LMLN: variants seen among roughly 807,000 people sequenced by gnomAD.
LMLN encodes the protein leishmanolysin-like peptidase.
A neutral mutation model predicts 92.3 loss-of-function variants in LMLN; 70 were observed. The ratio of observed to expected loss-of-function variants is 0.76; its 90% CI spans 0.63 to 0.92. The LOEUF is 0.92. Among genes scored for constraint, LMLN ranks in the 40% least tolerant of loss-of-function variants. LMLN has a pLI of 0.00. For missense variants in LMLN, 691 were observed against 814.6 expected, an observed-to-expected ratio of 0.85 and a Z score of 1.85; for synonymous variants, 308 against 296.2, an observed-to-expected ratio of 1.04 and a Z score of -0.41.
chr3:198,035,710 C>CT, intron 14 of LMLN, 123 bp from the exon 16 acceptor site: 1 of 807,332 alleles, frequency 1.2e-6, no homozygotes. Flanking sequence ...GCAAATTGTG[C>CT]TTTATAGCCA....
exon 6 of LMLN, chr3:197,980,468 A>G: frequency 6.2e-7 from 1 of 1,614,032 alleles, no homozygotes; most frequent in Non-Finnish European, 8.5e-7. Context: ...ATCATCTCTT[A>G]TGCAGCCTAT....
At chr3:198,035,976 C>T in exon 15 of LMLN, 1 of 1,614,134 alleles carries the variant, frequency 6.2e-7, no homozygotes. Context: ...CATGTTGGGA[C>T]TTCTGTGAGC....
At position 197,999,349 on chromosome 3, in the gene LMLN, C is replaced by T. The variant is rs374685420; in HGVS notation, c.1232+7C>T. The T allele has an allele frequency of 6.3e-7, 1 of 1,576,256 alleles. No individual in the cohort carries two copies. Among genetic ancestry groups the T allele is most frequent in the African/African-American group, 1.3e-5 (1 of 74,266 alleles). ...CATTAATGGAGGACACTGGGTAAGA[C>T]AGCTGTGACAAGAGGATATGAATTG... On this transcript the variant is annotated splice_region_variant and intron_variant, in intron 11 of 15. Coordinates refer to ENST00000330198, the Ensembl canonical transcript of LMLN.
At chr3:198,032,634 C>T (rs1723108080) in intron 14 of LMLN, among the ~76,000 whole-genome samples, 1 of 152,110 alleles carries the variant, frequency 6.6e-6, no homozygotes, top group African/African-American at 2.4e-5. Context: ...AGGCTTATCA[C>T]ATAGAGCGGG....
exon 6 of LMLN, chr3:197,980,344 G>A (rs774980590): frequency 1.4e-5 from 22 of 1,613,570 alleles, no homozygotes; most frequent in East Asian, 2.2e-5. Flanking sequence ...GGTCTACCGT[G>A]GGGGTAAGTG....
chr3:197,994,477 T>G (rs920439840), intron 9 of LMLN: 3 of 152,086 alleles, frequency 2.0e-5, no homozygotes, highest in African/African-American at 7.2e-5. Flanking sequence ...AAAGAAGACA[T>G]GCAAATTGTG....
At chr3:197,975,656 T>C (rs1435993217) in intron 3 of LMLN, among the ~76,000 whole-genome samples, 3 of 152,236 alleles carry the variant, frequency 2.0e-5, no homozygotes, top group Non-Finnish European at 2.9e-5. Context: ...TAGTCCATCA[T>C]TCATAGTAAT....
At chr3:198,002,771 T>G (rs1197049688) in intron 11 of LMLN, among the ~76,000 whole-genome samples, 2 of 152,146 alleles carry the variant, frequency 1.3e-5, no homozygotes, top group African/African-American at 2.4e-5. Context: ...CAATAGAAAT[T>G]TTATACTTAT....
chr3:198,029,983 T>C (rs188358145), intron 14 of LMLN, among the ~76,000 whole-genome samples: 1 of 151,764 alleles, frequency 6.6e-6, no homozygotes, highest in Non-Finnish European at 1.5e-5. Context: ...GCTGGGATTA[T>C]AGGCGCCCGC....
rs148564455 is a variant in LMLN at position 198,036,480 on chromosome 3, A to C, written c.1867+437A>C. Among the ~76,000 whole-genome samples, 96 of 152,330 alleles carry C rather than the reference A, an allele frequency of 6.3e-4. 1 individual carries two copies. Among genetic ancestry groups the C allele is most frequent in the African/African-American group, 2.3e-3 (94 of 41,570 alleles). On this transcript the variant is annotated intron_variant, in intron 15 of 15. Transcript: ENST00000330198. ...AAAAGGAATTGGCATACCCACAAAGAGGAGAAAGATGCAATAACACACATG... is the reference window on the plus strand; with the variant it reads ...AAAAGGAATTGGCATACCCACAAAGCGGAGAAAGATGCAATAACACACATG...
At chr3:198,012,387 C>T (rs1722471827) in intron 11 of LMLN, among the ~76,000 whole-genome samples, 1 of 152,208 alleles carries the variant, frequency 6.6e-6, no homozygotes, top group Non-Finnish European at 1.5e-5. Flanking sequence ...AAGCGTTGCA[C>T]AAATGTCAGT....
At position 197,996,995 on chromosome 3, in the gene LMLN, TTTTTC is replaced by T. The variant is rs1373380526; in HGVS notation, c.1155+729_1155+733del. Among the ~76,000 whole-genome samples the T allele has an allele frequency of 2.0e-3, 299 of 150,972 alleles. 3 individuals are homozygous for T. The highest frequency in any genetic ancestry group is 6.8e-3 in the African/African-American group (275 of 40,642). On this transcript the variant is annotated intron_variant, in intron 10 of 15. Transcript: ENST00000330198. ...GTTTGTTCGTTCTTTTCTTTTGTTT[TTTTTC>T]TTTTCTTTTCTTTTCCTTTCTTTTC...
At chr3:197,975,297 T>C (rs80222900) in intron 3 of LMLN, among the ~76,000 whole-genome samples, 9,829 of 152,290 alleles carry the variant, frequency 0.065, 373 homozygotes, top group African/African-American at 0.099. Context: ...GATAATCAGT[T>C]TTCTCATTTT....
intron 1 of LMLN, among the ~76,000 whole-genome samples, chr3:197,962,467 T>G (rs1291443139): frequency 1.3e-5 from 2 of 152,256 alleles, no homozygotes; most frequent in Non-Finnish European, 2.9e-5. Flanking sequence ...TTTGTGGATA[T>G]ATGTTTTCAT....
At chr3:197,991,525 A>G (rs575512035) in intron 9 of LMLN, among the ~76,000 whole-genome samples, 1 of 152,314 alleles carries the variant, frequency 6.6e-6, no homozygotes, top group Non-Finnish European at 1.5e-5. Context: ...GTCCAAAGGC[A>G]GAATGACTTC....
intron 1 of LMLN, among the ~76,000 whole-genome samples, chr3:197,963,072 A>G (rs1269021630): frequency 2.6e-5 from 4 of 152,214 alleles, no homozygotes; most frequent in African/African-American, 7.2e-5. Context: ...GATAATTGAC[A>G]TCTAACAGTA....
At chr3:197,970,359 A>G (rs1166405367) in intron 1 of LMLN, among the ~76,000 whole-genome samples, 1 of 152,172 alleles carries the variant, frequency 6.6e-6, no homozygotes, top group Admixed American at 6.5e-5. Context: ...CGTCATACTC[A>G]CAGCTGAGAT....
At chr3:197,980,707 C>CA in intron 6 of LMLN, 1 of 445,702 alleles carries the variant, frequency 2.2e-6, no homozygotes. Context: ...AGTTTTTAGT[C>CA]AAAGTGAAAG....
At chr3:197,976,602 T>C (rs2109858800) in exon 5 of LMLN, 2 of 1,566,368 alleles carry the variant, frequency 1.3e-6, no homozygotes, top group East Asian at 4.6e-5. Flanking sequence ...CTGAAGACAA[T>C]GTGCAACAAA....
Sources: gnomAD v4.1 joint callset for allele counts (sites outside exome capture counted in the v4.1 genomes callset) on GRCh38, gnomAD v4.1.1 for gene constraint, MANE v1.5 for transcripts, NCBI Gene and HGNC (gene_info 2026-07-23, HGNC 2026-07-21) for gene names.